LAMA3: variants seen among roughly 807,000 people sequenced by gnomAD.
LAMA3 encodes laminin subunit alpha-3.
A neutral mutation model predicts 402.0 loss-of-function variants in LAMA3; 281 were observed. The ratio of observed to expected loss-of-function variants is 0.70; its 90% CI spans 0.63 to 0.77. The LOEUF is 0.77. LAMA3 is among the 30% of genes least tolerant of loss of function. The pLI, the probability that LAMA3 is intolerant of heterozygous loss-of-function variation, is 0.00. For missense variants in LAMA3, 3,840 were observed against 4,215.5 expected, an observed-to-expected ratio of 0.91 and a Z score of 2.47; for synonymous variants, 1,431 against 1,558.4, an observed-to-expected ratio of 0.92 and a Z score of 1.93.
intron 2 of LAMA3, among the ~76,000 whole-genome samples, chr18:23,717,530 T>C (rs2061124253): frequency 6.7e-6 from 1 of 149,446 alleles, no homozygotes; most frequent in Non-Finnish European, 1.5e-5. Context: ...AACATTACCT[T>C]CTGGACTTGA....
intron 59 of LAMA3, 59 bp downstream of exon 59, chr18:23,915,481 T>C: frequency 1.3e-6 from 2 of 1,503,048 alleles, no homozygotes; most frequent in Non-Finnish European, 1.8e-6. Flanking sequence ...CTTGCAGTAC[T>C]TTTACATATG....
At chr18:23,841,723 G>A (rs2063705725) in intron 27 of LAMA3, among the ~76,000 whole-genome samples, 1 of 152,134 alleles carries the variant, frequency 6.6e-6, no homozygotes, top group Non-Finnish European at 1.5e-5. Flanking sequence ...GTGAGCTTAA[G>A]ACCTGCCTGG....
rs1381436094 is a variant in LAMA3 at position 23,898,858 on chromosome 18, T to C, written c.5724+10T>C. 1.3e-6 allele frequency: 2 copies of C among 1,572,622 alleles called. No individual in the cohort carries two copies. The highest frequency in any genetic ancestry group is 1.3e-5 in the African/African-American group (1 of 74,208). On this transcript the variant is annotated intron_variant, in intron 45 of 74. Coordinates refer to ENST00000313654, the MANE Select transcript of LAMA3 (RefSeq NM_198129.4). ...GACTTTGCAAGAAAAGGTAATGTGT[T>C]AGGTCCATTTAACTTTGGGGTTTTT... is the stretch of plus-strand genomic sequence containing the variant.
chr18:23,951,726 T>G lies in LAMA3; in HGVS notation c.9685T>G (p.Ser3229Ala), dbSNP rs765495036. ...MDSGAGGTSTSVTPKQSLCDG... is the reference protein window; with the variant it reads ...MDSGAGGTSTAVTPKQSLCDG... The stretch of plus-strand genomic sequence containing the variant: ...CAGTGGGGCAGGTGGGACCTCAACG[T>G]CGGTCACACCAAAGCAGTCTCTGTG... The change falls in exon 73 of 75, where the codon TCG becomes GCG. Residue 3229 changes from serine to alanine, a missense_variant. Around this residue, in one of 3 missense-constraint regions of LAMA3, gnomAD observed 840 missense variants for 981.9 expected, o/e 0.86. Coordinates refer to ENST00000313654, the MANE Select transcript of LAMA3 (RefSeq NM_198129.4). The G allele has an allele frequency of 1.2e-6, 2 of 1,613,834 alleles. No homozygotes were observed. The highest frequency in any genetic ancestry group is 2.7e-5 in the African/African-American group (2 of 74,868).
At chr18:23,865,453 T>A (rs1007270327) in intron 36 of LAMA3, among the ~76,000 whole-genome samples, 6 of 152,172 alleles carry the variant, frequency 3.9e-5, no homozygotes, top group Non-Finnish European at 8.8e-5. Context: ...AAGCATTTTT[T>A]ATGTTTCTAT....
intron 13 of LAMA3, among the ~76,000 whole-genome samples, chr18:23,812,522 T>C (rs537063540): frequency 8.9e-4 from 136 of 152,216 alleles, no homozygotes; most frequent in Non-Finnish European, 1.7e-3. Context: ...CACTGTGTAA[T>C]TGTAATACTG....
At chr18:23,723,826 G>A (rs1412792535) in intron 2 of LAMA3, among the ~76,000 whole-genome samples, 1 of 151,888 alleles carries the variant, frequency 6.6e-6, no homozygotes, top group African/African-American at 2.4e-5. Context: ...TCAGAATAGT[G>A]CCTTACATGC....
At chr18:23,814,680 T>A (rs1182931690) in intron 15 of LAMA3, among the ~76,000 whole-genome samples, 178 bp downstream of exon 15, 1 of 152,238 alleles carries the variant, frequency 6.6e-6, no homozygotes, top group Admixed American at 6.5e-5. Context: ...TTTCAAAATC[T>A]TAGCAAGGGA....
chr18:23,696,942 C>T (rs2060695850), intron 1 of LAMA3, among the ~76,000 whole-genome samples: 1 of 152,186 alleles, frequency 6.6e-6, no homozygotes, highest in African/African-American at 2.4e-5. Flanking sequence ...CTTTCTCTGG[C>T]TACTCCACAT....
At chr18:23,784,694 G>A (rs2062507212) in intron 12 of LAMA3, among the ~76,000 whole-genome samples, 1 of 152,158 alleles carries the variant, frequency 6.6e-6, no homozygotes, top group South Asian at 2.1e-4. Context: ...GATGGAAGGT[G>A]GGAGGAGGAA....
chr18:23,946,800 A>G (rs995321566), intron 70 of LAMA3: 3 of 165,702 alleles, frequency 1.8e-5, no homozygotes, highest in Non-Finnish European at 4.0e-5. Context: ...TAACCCTGAG[A>G]AATAAACATT....
chr18:23,949,991 G>C, intron 71 of LAMA3, 38 bp from the exon 72 acceptor site: 1 of 1,614,024 alleles, frequency 6.2e-7, no homozygotes, highest in Non-Finnish European at 8.5e-7. Flanking sequence ...TTCTTTCATG[G>C]TGATGCTTTA....
intron 63 of LAMA3, 77 bp from the exon 64 acceptor site, chr18:23,928,548 T>G: frequency 1.9e-3 from 2,472 of 1,275,188 alleles, no homozygotes; most frequent in Non-Finnish European, 2.6e-3. Flanking sequence ...TTGAGTAAAG[T>G]GAGATAGGGT....
chr18:23,861,528 G>A lies in LAMA3; in HGVS notation c.4423-118G>A, dbSNP rs2064220776. On this transcript the variant is annotated intron_variant, in intron 34 of 74. Coordinates refer to ENST00000313654, the MANE Select transcript of LAMA3 (RefSeq NM_198129.4). ...CAGGTGCAGGAGTAGACGCATAAAG[G>A]AGGCCTCTGAGGCAAGGAGGCTGCC... 3 of 1,080,128 alleles carry A rather than the reference G, an allele frequency of 2.8e-6. No homozygotes were observed. The East Asian group carries it at 7.4e-5, about 27-fold the overall frequency. The allele number at this position is 1,080,128 out of a possible 1,614,324, so 66.9% of individuals were successfully genotyped here.
intron 25 of LAMA3, among the ~76,000 whole-genome samples, chr18:23,838,100 A>G (rs889130452): frequency 3.3e-5 from 5 of 152,168 alleles, no homozygotes; most frequent in Admixed American, 1.3e-4. Flanking sequence ...CATAAGCTCT[A>G]TGAAGGCAGG....
At chr18:23,909,409 C>T (rs2081360077) in intron 55 of LAMA3, 114 bp downstream of exon 55, 1 of 992,080 alleles carries the variant, frequency 1.0e-6, no homozygotes, top group Admixed American at 1.8e-5. Flanking sequence ...CTTTCTTTCC[C>T]CAATTCTTGT....
chr18:23,846,447 C>T lies in LAMA3; in HGVS notation c.3870C>T (p.Asn1290=), dbSNP rs558971129. The change falls in exon 31 of 75, where the codon AAC becomes AAT. Residue 1290 remains asparagine (N), a synonymous_variant. Coordinates refer to ENST00000313654, the MANE Select transcript of LAMA3 (RefSeq NM_198129.4). The part of the protein sequence containing the change: ...PEGGQCPCQP[N]VIGRQCTRCA... ...GTGGGCAGTGCCCATGCCAGCCCAACGTCATCGGGCGGCAGTGCACCCGCT... is the reference window on the plus strand; with the variant it reads ...GTGGGCAGTGCCCATGCCAGCCCAATGTCATCGGGCGGCAGTGCACCCGCT... 1.1e-5 allele frequency: 18 copies of T among 1,613,616 alleles called. No individual in the cohort carries two copies. Among genetic ancestry groups the T allele is most frequent in the South Asian group, 8.8e-5 (8 of 91,090 alleles).
intron 15 of LAMA3, 42 bp downstream of exon 15, chr18:23,814,544 C>T: frequency 1.5e-6 from 2 of 1,302,346 alleles, no homozygotes; most frequent in South Asian, 1.2e-5. Flanking sequence ...TTATAATGTT[C>T]TCTTAATTTT....
rs1364772741 is a variant in LAMA3 at position 23,916,629 on chromosome 18, C to T, written c.7857C>T (p.Ile2619=). Residue 2619 remains isoleucine (I), a synonymous_variant, in exon 60 of 75, where the codon ATC becomes ATT. Transcript: ENST00000313654. ...TTCCAACTCAACCACATGCTCCCAT[C>T]CCAACCTTTGGACAGACAATTCAGA... The part of the protein sequence containing the change: ...ARVPTQPHAP[I]PTFGQTIQTT... 6.2e-7 allele frequency: 1 copy of T among 1,614,108 alleles called. No homozygotes were observed. Among genetic ancestry groups the T allele is most frequent in the East Asian group, 2.2e-5 (1 of 44,878 alleles).
Sources: allele counts gnomAD v4.1 joint callset (sites outside exome capture counted in the v4.1 genomes callset), GRCh38; gene constraint gnomAD v4.1.1; regional missense constraint gnomAD v4.1.1; transcripts MANE v1.5; gene names NCBI Gene and HGNC (gene_info 2026-07-23, HGNC 2026-07-21).